The following LSM8 variants were observed in gnomAD, a reference collection of about 807,000 sequenced individuals.
LSM8 encodes the protein LSM8 homolog, U6 small nuclear RNA associated.
In LSM8, 14 loss-of-function variants were observed where a neutral mutation model predicts 15.0. That is an observed-to-expected ratio of 0.93 (90% CI 0.62 to 1.46). The LOEUF (loss-of-function observed/expected upper bound fraction) is 1.46, where lower values mean the gene tolerates loss of function less well. Ranked by LOEUF, LSM8 falls within the 40% of genes most tolerant of loss-of-function variation. LSM8 has a pLI of 0.00. For synonymous variants in LSM8, 50 were observed against 42.1 expected (o/e 1.19, Z -0.73); for missense variants, 90 against 115.4 (o/e 0.78, Z 1.01).
intron 1 of LSM8, chr7:118,184,496 A>G: frequency 2.4e-6 from 1 of 415,294 alleles, no homozygotes; most frequent in Non-Finnish European, 4.3e-6. Flanking sequence ...ATTATTCCGA[A>G]CTTTTCTGTC....
Position 118,195,537 on chromosome 7 carries a change from G to A in LSM8, c.*3535G>A, listed in dbSNP as rs758612264. Among the ~76,000 whole-genome samples the A allele has an allele frequency of 2.0e-5, 3 of 152,180 alleles. No homozygotes were observed. Among genetic ancestry groups the A allele is most frequent in the South Asian group, 4.1e-4 (2 of 4,832 alleles). ...AGAATAGATGAGGAATTGAGGTTAT[G>A]TGGGAAGTACGTGTAAGTTTACAGT... On this transcript the variant is annotated 3_prime_UTR_variant, in exon 4 of 4. Transcript: ENST00000249299.
Position 118,188,275 on chromosome 7 carries a change from C to A in LSM8, c.73-3C>A. The A allele has an allele frequency of 6.2e-7, 1 of 1,613,070 alleles. No individual in the cohort carries two copies. The highest frequency in any genetic ancestry group is 8.5e-7 in the Non-Finnish European group (1 of 1,179,240). On this transcript the variant is annotated splice_region_variant and splice_polypyrimidine_tract_variant and intron_variant, in intron 2 of 3. Transcript: ENST00000249299. ...CTTTTTCTCCTGAATATTTTCTTTA[C>A]AGGGAACACTGAAAGGTTTTGACCA...
Position 118,192,814 on chromosome 7 carries a change from A to G in LSM8, c.*812A>G, listed in dbSNP as rs1337925951. The G allele has an allele frequency of 1.3e-5, 2 of 152,178 alleles. No homozygotes were observed. The highest frequency in any genetic ancestry group is 4.8e-5 in the African/African-American group (2 of 41,452). 9.4% of individuals were successfully genotyped at this position (152,178 alleles called of 1,614,324 possible). A position where few individuals can be genotyped will look rare whatever the true frequency, so the allele number is the denominator to read the frequency against. ...TATAAATGTGAGTAAATAAACTCTAAGTTTGTATTGAAGTAGTGCTAGCTA... is the reference window on the plus strand; with the variant it reads ...TATAAATGTGAGTAAATAAACTCTAGGTTTGTATTGAAGTAGTGCTAGCTA... On this transcript the variant is annotated 3_prime_UTR_variant, in exon 4 of 4. Coordinates refer to ENST00000249299, the MANE Select transcript of LSM8 (RefSeq NM_016200.5).
rs1809183880 is a variant in LSM8 at position 118,202,316 on chromosome 7, GGC to G, written c.*10315_*10316del. ...ACTCTGACTGCCAGTGGCTTTAACA[GGC>G]AGGAGGAGTTCATTTATCTCGAGAG... On this transcript the variant is annotated 3_prime_UTR_variant, in exon 4 of 4. Coordinates refer to ENST00000249299, the MANE Select transcript of LSM8 (RefSeq NM_016200.5). 3.3e-5 allele frequency among the ~76,000 whole-genome samples: 5 copies of G among 151,950 alleles called. No individual in the cohort carries two copies. Among genetic ancestry groups the G allele is most frequent in the Admixed American group, 3.3e-4 (5 of 15,228 alleles).
At chr7:118,191,597 TTTTTAC>T in intron 3 of LSM8, 1 of 196,004 alleles carries the variant, frequency 5.1e-6, no homozygotes, top group African/African-American at 2.3e-5. Context: ...GTTTGAGGGT[TTTTTAC>T]TGTGTCTATC....
chr7:118,188,654 C>A (rs1808926242), intron 3 of LSM8: 2 of 285,896 alleles, frequency 7.0e-6, no homozygotes, highest in Non-Finnish European at 1.3e-5. Context: ...TGAGATTTGC[C>A]CATTTTTCTA....
rs34329832 is a variant in LSM8, at chr7:118,197,195, G to GT, written c.*5207dup. Among the ~76,000 whole-genome samples, 8,382 of 145,306 alleles carry GT rather than the reference G, an allele frequency of 0.058. 258 individuals carry two copies. The highest frequency in any genetic ancestry group is 0.092 in the Admixed American group (1,342 of 14,592). On this transcript the variant is annotated 3_prime_UTR_variant, in exon 4 of 4. Coordinates refer to ENST00000249299, the MANE Select transcript of LSM8 (RefSeq NM_016200.5). Reference sequence around the variant, plus strand: ...CTGCATATATTTTGCTATTATGTAGGTTTTTTTTTTTTTTCCACATATACT... The same window carrying GT: ...CTGCATATATTTTGCTATTATGTAGGTTTTTTTTTTTTTTTCCACATATACT...
intron 3 of LSM8, chr7:118,190,196 C>A (rs777003868): frequency 6.6e-6 from 1 of 152,010 alleles, no homozygotes; most frequent in Non-Finnish European, 1.5e-5. Context: ...GATCTGTAAT[C>A]AAAAATCAAG....
rs1232992246 is a variant in LSM8 at position 118,194,839 on chromosome 7, TATC to T, written c.*2840_*2842del. ...TAGTAGGTAGTATTTATTGAGTGCA[TATC>T]ATGTGCCAGGCCTGGTGCTGAGTGC... On this transcript the variant is annotated 3_prime_UTR_variant, in exon 4 of 4. Transcript: ENST00000249299. 6.6e-6 allele frequency among the ~76,000 whole-genome samples: 1 copy of T among 152,104 alleles called. No individual in the cohort carries two copies. The highest frequency in any genetic ancestry group is 1.5e-5 in the Non-Finnish European group (1 of 68,000).
At chr7:118,184,744 A>G (rs1330432773) in intron 1 of LSM8, 1 of 152,584 alleles carries the variant, frequency 6.6e-6, no homozygotes, top group Non-Finnish European at 1.5e-5. Flanking sequence ...ATGAAAAAAA[A>G]TGGTTGCTGT....
intron 1 of LSM8, 124 bp downstream of exon 1, chr7:118,184,378 C>A: frequency 8.4e-7 from 1 of 1,184,244 alleles, no homozygotes; most frequent in Non-Finnish European, 1.1e-6. Flanking sequence ...GAGATGAGGG[C>A]CCCGGAACGA....
intron 3 of LSM8, 126 bp downstream of exon 3, chr7:118,188,531 C>A: frequency 1.2e-6 from 1 of 806,806 alleles, no homozygotes; most frequent in Non-Finnish European, 1.8e-6. Context: ...TCATTTCTTT[C>A]GTAAATATAC....
At chr7:118,186,393 A>G (rs1233413525) in intron 2 of LSM8, among the ~76,000 whole-genome samples, 1 of 152,004 alleles carries the variant, frequency 6.6e-6, no homozygotes, top group Non-Finnish European at 1.5e-5. Flanking sequence ...AACTTTCTCT[A>G]TTTTCTAACC....
intron 3 of LSM8, chr7:118,191,271 T>C (rs1197702924): frequency 6.6e-6 from 1 of 152,242 alleles, no homozygotes; most frequent in Non-Finnish European, 1.5e-5. Context: ...TATTAATGAA[T>C]TTAAAGTTAT....
intron 3 of LSM8, chr7:118,191,525 A>T (rs1018735576): frequency 6.5e-6 from 1 of 154,946 alleles, no homozygotes; most frequent in African/African-American, 2.4e-5. Context: ...TTATTTTAGG[A>T]GTGATTTTGT....
Position 118,193,048 on chromosome 7 carries a change from T to A in LSM8, c.*1046T>A, listed in dbSNP as rs1809011705. On this transcript the variant is annotated 3_prime_UTR_variant, in exon 4 of 4. Transcript: ENST00000249299. ...AGAAAAATATTTACATCCTTGTAAT[T>A]GAAACAAATTTAAATAGTTTATTTG... 6.6e-6 allele frequency among the ~76,000 whole-genome samples: 1 copy of A among 152,254 alleles called. No individual in the cohort carries two copies. The highest frequency in any genetic ancestry group is 2.4e-5 in the African/African-American group (1 of 41,584).
chr7:118,187,171 G>A (rs1239715151), intron 2 of LSM8, among the ~76,000 whole-genome samples: 1 of 151,994 alleles, frequency 6.6e-6, no homozygotes, highest in Non-Finnish European at 1.5e-5. Context: ...CCAAGTTACA[G>A]ATTTCATTCT....
chr7:118,187,520 A>T (rs1486099402), intron 2 of LSM8, among the ~76,000 whole-genome samples: 1 of 152,272 alleles, frequency 6.6e-6, no homozygotes. Context: ...GAACACTGGT[A>T]ACTAGTATGT....
rs764101633 is a variant in LSM8, at chr7:118,184,314, G to T, written c.31+60G>T. 1.5e-5 allele frequency: 21 copies of T among 1,434,404 alleles called. No individual in the cohort carries two copies. In the East Asian group the frequency reaches 5.3e-4, roughly 37 times the overall value. 88.9% of individuals were successfully genotyped at this position (1,434,404 alleles called of 1,614,324 possible). A position where few individuals can be genotyped will look rare whatever the true frequency, so the allele number is the denominator to read the frequency against. On this transcript the variant is annotated intron_variant, in intron 1 of 3. Coordinates refer to ENST00000249299, the MANE Select transcript of LSM8 (RefSeq NM_016200.5). ...GGGTCGCGGAGAGGCCGCGGTCGGG[G>T]ATCGGTGGGAGGTTGGGAGGCCTGG... is the stretch of plus-strand genomic sequence containing the variant.
Sources: gnomAD v4.1 joint callset for allele counts (sites outside exome capture counted in the v4.1 genomes callset) on GRCh38, gnomAD v4.1.1 for gene constraint, MANE v1.5 for transcripts, NCBI Gene and HGNC (gene_info 2026-07-23, HGNC 2026-07-21) for gene names.